Variants in IL19 observed in about 807,000 individuals in gnomAD.
IL19 encodes the protein interleukin-19.
A neutral mutation model predicts 19.5 loss-of-function variants in IL19; 15 were observed. That is an observed-to-expected ratio of 0.77 (90% CI 0.52 to 1.19). The LOEUF is 1.19. IL19 is among the 50% of genes most tolerant of loss of function. The pLI is 0.00. For missense variants in IL19, 199 were observed against 213.1 expected, an observed-to-expected ratio of 0.93 and a Z score of 0.41; for synonymous variants, 78 against 78.3, an observed-to-expected ratio of 1.00 and a Z score of 0.02.
In IL19 at chr1:206,837,017, C is replaced by CATTAAGGT. The variant is rs778938598; in HGVS notation, c.208_210+5dup. 1 of 1,612,042 alleles carries CATTAAGGT rather than the reference C, an allele frequency of 6.2e-7. No homozygotes were observed. Among genetic ancestry groups the CATTAAGGT allele is most frequent in the Non-Finnish European group, 8.5e-7 (1 of 1,178,268 alleles). ...TGTCCACATTGGAGACTCTGCAGAT[C>CATTAAGGT]ATTAAGGTATTGGCCTGTGTCTGCT... On this transcript the variant is annotated frameshift_variant, in exon 4 of 7. Transcript: ENST00000659997. LOFTEE classifies it high-confidence loss of function.
rs749340544 is a variant in IL19 at position 206,798,853 on chromosome 1, C to T, written c.-148-8C>T. 3.6e-6 allele frequency: 5 copies of T among 1,388,218 alleles called. No homozygotes were observed. The South Asian group carries it at 3.6e-5, about 10-fold the overall frequency. 86.0% of individuals were successfully genotyped at this position (1,388,218 alleles called of 1,614,324 possible). On this transcript the variant is annotated splice_polypyrimidine_tract_variant and splice_region_variant and intron_variant, in intron 1 of 6. Coordinates refer to ENST00000659997, the MANE Select transcript of IL19 (RefSeq NM_153758.5). ...TGTAATGATGACTCTCTATGATTTT[C>T]TCCATAGAGCGGTGCTTGCACACAC...
intron 2 of IL19, chr1:206,834,119 G>A (rs1676703839): frequency 2.0e-6 from 2 of 985,536 alleles, no homozygotes; most frequent in African/African-American, 3.5e-5. Context: ...GCATGGAGAT[G>A]GGGAGTTTAT....
intron 2 of IL19, among the ~76,000 whole-genome samples, chr1:206,821,594 A>C (rs1676291766): frequency 6.6e-6 from 1 of 152,198 alleles, no homozygotes. Flanking sequence ...CAGAGTCTGC[A>C]TGTGTTTTTC....
intron 2 of IL19, among the ~76,000 whole-genome samples, chr1:206,820,556 C>G (rs1191037483): frequency 6.6e-6 from 1 of 152,222 alleles, no homozygotes; most frequent in Non-Finnish European, 1.5e-5. Flanking sequence ...CCTTGCTGCC[C>G]TCACCTCTAA....
chr1:206,841,181 A>G (rs537634480), intron 6 of IL19, 103 bp downstream of exon 6: 16 of 853,562 alleles, frequency 1.9e-5, no homozygotes, highest in Non-Finnish European at 2.8e-5. Flanking sequence ...CATTCACTCT[A>G]TAAGCAGCCA....
chr1:206,774,215 A>C (rs1234346923), intron 1 of IL19, among the ~76,000 whole-genome samples: 5 of 152,226 alleles, frequency 3.3e-5, no homozygotes, highest in Non-Finnish European at 7.3e-5. Flanking sequence ...GATCAGGGTC[A>C]GGGGACTGTG....
chr1:206,801,205 AC>A (rs1174067155), intron 2 of IL19, among the ~76,000 whole-genome samples: 4 of 149,242 alleles, frequency 2.7e-5, no homozygotes, highest in African/African-American at 9.8e-5. Context: ...CTGCCTCCAG[AC>A]CCCTGTGTCC....
At chr1:206,808,972 A>G (rs1481247016) in intron 2 of IL19, among the ~76,000 whole-genome samples, 1 of 152,192 alleles carries the variant, frequency 6.6e-6, no homozygotes, top group Non-Finnish European at 1.5e-5. Context: ...GGAAGGCAGA[A>G]GGTTCTGGAA....
chr1:206,799,975 T>C (rs573139937), intron 2 of IL19, among the ~76,000 whole-genome samples: 1 of 152,358 alleles, frequency 6.6e-6, no homozygotes, highest in Non-Finnish European at 1.5e-5. Context: ...AGCAAGTTTG[T>C]TTATCTCCAT....
At chr1:206,794,035 A>G (rs12034493) in intron 1 of IL19, among the ~76,000 whole-genome samples, 108,333 of 151,994 alleles carry the variant, frequency 0.71, 39,170 homozygotes, top group Non-Finnish European at 0.78. Flanking sequence ...ACATCTAGGG[A>G]CTCCTGGGTC....
chr1:206,812,517 C>T (rs1676041003), intron 2 of IL19, among the ~76,000 whole-genome samples: 2 of 152,126 alleles, frequency 1.3e-5, no homozygotes, highest in South Asian at 4.1e-4. Context: ...CTCCATGGGC[C>T]CAAAGAGGAC....
At chr1:206,820,306 C>T (rs1676262256) in intron 2 of IL19, among the ~76,000 whole-genome samples, 1 of 152,192 alleles carries the variant, frequency 6.6e-6, no homozygotes, top group Non-Finnish European at 1.5e-5. Context: ...CATCAGTTTA[C>T]CAGTCTGTAA....
intron 1 of IL19, among the ~76,000 whole-genome samples, chr1:206,792,576 C>A (rs574882122): frequency 6.6e-6 from 1 of 152,242 alleles, no homozygotes; most frequent in Non-Finnish European, 1.5e-5. Flanking sequence ...CCTGCCTCAG[C>A]CTCCCGAGTA....
intron 1 of IL19, among the ~76,000 whole-genome samples, chr1:206,788,000 A>G (rs905267984): frequency 2.0e-5 from 3 of 152,192 alleles, no homozygotes; most frequent in African/African-American, 7.2e-5. Context: ...GCTTCCTTCT[A>G]AAATCCCCCT....
rs1676807079 is a variant in IL19, at chr1:206,836,700, C to T, written c.38C>T (p.Thr13Ile). 2 of 1,613,520 alleles carry T rather than the reference C, an allele frequency of 1.2e-6. No individual in the cohort carries two copies. Among genetic ancestry groups the T allele is most frequent in the African/African-American group, 2.7e-5 (2 of 74,878 alleles). The change falls in exon 3 of 7, where the codon ACA (threonine) becomes ATA (isoleucine). Residue 13 changes from threonine to isoleucine, a missense_variant. Transcript: ENST00000659997. ...TGTGTTTCCCTTTGGCTCCTGGGTA[C>T]AATACTGATATTGTGCTCAGTAGAC... is the stretch of plus-strand genomic sequence containing the variant. ...LQCVSLWLLGTILILCSVDNH... is the reference protein window; with the variant it reads ...LQCVSLWLLGIILILCSVDNH...
At position 206,779,219 on chromosome 1, in the gene IL19, A is replaced by G. The variant is rs1447166735; in HGVS notation, c.-149+8141A>G. Among the ~76,000 whole-genome samples the G allele has an allele frequency of 2.6e-5, 4 of 152,302 alleles. No homozygotes were observed. The East Asian group carries it at 5.8e-4, about 22-fold the overall frequency. On this transcript the variant is annotated intron_variant, in intron 1 of 6. Transcript: ENST00000659997. Reference sequence around the variant, plus strand: ...TATCTTGAGCAGCAGAGCATATTCTATATGTGTCAAAGAAAATGCTAAACC... The same window carrying G: ...TATCTTGAGCAGCAGAGCATATTCTGTATGTGTCAAAGAAAATGCTAAACC...
intron 1 of IL19, among the ~76,000 whole-genome samples, chr1:206,773,627 T>C (rs1448427062): frequency 4.7e-5 from 7 of 150,008 alleles, no homozygotes; most frequent in Non-Finnish European, 1.0e-4. Context: ...TGTGTGTGTG[T>C]GTGTAGAAGG....
chr1:206,814,393 G>A (rs1397149501), intron 2 of IL19, among the ~76,000 whole-genome samples: 1 of 150,762 alleles, frequency 6.6e-6, no homozygotes, highest in East Asian at 1.9e-4. Flanking sequence ...ATAATGGAGG[G>A]AATCAGAATG....
intron 2 of IL19, among the ~76,000 whole-genome samples, chr1:206,807,062 T>A (rs1008374478): frequency 3.3e-5 from 5 of 152,150 alleles, no homozygotes; most frequent in African/African-American, 9.7e-5. Context: ...GAAGCAAACA[T>A]GTCCTTCTTC....
Sources: allele counts gnomAD v4.1 joint callset (sites outside exome capture counted in the v4.1 genomes callset), GRCh38; gene constraint gnomAD v4.1.1; transcripts MANE v1.5; gene names NCBI Gene and HGNC (gene_info 2026-07-23, HGNC 2026-07-21).